Variants in E2F3 observed in about 807,000 individuals in gnomAD.
E2F3 encodes E2F transcription factor 3, also known as transcription factor E2F3.
E2F3 carries 11 observed loss-of-function variants against 44.4 expected under a neutral mutation model. That is an observed-to-expected ratio of 0.25 (90% CI 0.16 to 0.41). E2F3 has a LOEUF of 0.41. E2F3 is among the 10% of genes least tolerant of loss of function. The pLI, the probability that E2F3 is intolerant of heterozygous loss-of-function variation, is 1.00. For synonymous variants in E2F3, 249 were observed against 253.0 expected, an observed-to-expected ratio of 0.98 and a Z score of 0.15; for missense variants, 487 against 583.6, an observed-to-expected ratio of 0.83 and a Z score of 1.70.
chr6:20,418,355 T>G (rs1193698103), intron 1 of E2F3, among the ~76,000 whole-genome samples: 1 of 152,238 alleles, frequency 6.6e-6, no homozygotes, highest in Non-Finnish European at 1.5e-5. Flanking sequence ...TGCTTTTTAT[T>G]TCTTATAATA....
At position 20,488,149 on chromosome 6, in the gene E2F3, A is replaced by G; in HGVS notation, c.1036A>G (p.Ile346Val). The G allele has an allele frequency of 2.5e-6, 4 of 1,614,208 alleles. No individual in the cohort carries two copies. The highest frequency in any genetic ancestry group is 1.7e-4 in the Middle Eastern group (1 of 6,060). Reference sequence around the variant, plus strand: ...ACATTTGGCAAGTACCCAAGGGCCCATTGAGGTTTACTTATGTCCAGAAGA... The same window carrying G: ...ACATTTGGCAAGTACCCAAGGGCCCGTTGAGGTTTACTTATGTCCAGAAGA... ...QIHLASTQGPIEVYLCPEETE... is the reference protein window; with the variant it reads ...QIHLASTQGPVEVYLCPEETE... The change falls in exon 6 of 7, where the codon ATT becomes GTT. Residue 346 changes from isoleucine (I) to valine (V), a missense_variant. Physicochemically the swap from Ile to Val is conservative, Grantham distance 29. Transcript: ENST00000346618.
chr6:20,403,428 C>G (rs953446186), intron 1 of E2F3, among the ~76,000 whole-genome samples: 6 of 152,120 alleles, frequency 3.9e-5, no homozygotes, highest in Admixed American at 1.3e-4. Flanking sequence ...CTTCCCCGCC[C>G]TGTCCCCCTC....
intron 1 of E2F3, among the ~76,000 whole-genome samples, chr6:20,423,359 T>C (rs1207505207): frequency 1.3e-5 from 2 of 151,482 alleles, no homozygotes; most frequent in Non-Finnish European, 3.0e-5. Flanking sequence ...TATCCAAACA[T>C]AGCAACAGTA....
chr6:20,445,197 T>C, intron 1 of E2F3: 1 of 946,138 alleles, frequency 1.1e-6, no homozygotes, highest in African/African-American at 1.8e-5. Context: ...ATCATCTTCC[T>C]TCCCAGGATG....
intron 1 of E2F3, among the ~76,000 whole-genome samples, chr6:20,462,129 C>G (rs1045891200): frequency 6.6e-6 from 1 of 152,158 alleles, no homozygotes; most frequent in Non-Finnish European, 1.5e-5. Flanking sequence ...TTTACCTATT[C>G]TGGATAATAA....
intron 1 of E2F3, among the ~76,000 whole-genome samples, chr6:20,473,747 T>G (rs1465338540): frequency 6.6e-6 from 1 of 152,180 alleles, no homozygotes; most frequent in East Asian, 1.9e-4. Flanking sequence ...CCTACTGGCC[T>G]AATAATGCCC....
chr6:20,414,426 A>G (rs892764472), intron 1 of E2F3, among the ~76,000 whole-genome samples: 2 of 152,144 alleles, frequency 1.3e-5, no homozygotes, highest in African/African-American at 4.8e-5. Flanking sequence ...TCCTGAACCA[A>G]GATAGCTCTT....
chr6:20,490,326 G>A lies in E2F3; in HGVS notation c.1294G>A (p.Glu432Lys), dbSNP rs1440353441. The A allele has an allele frequency of 1.4e-5, 22 of 1,614,026 alleles. No homozygotes were observed. The highest frequency in any genetic ancestry group is 1.9e-5 in the Non-Finnish European group (22 of 1,180,012). The change falls in exon 7 of 7, where the codon GAG (glutamate) becomes AAG (lysine). Residue 432 changes from glutamate (E) to lysine (K), a missense_variant. Coordinates refer to ENST00000346618, the MANE Select transcript of E2F3 (RefSeq NM_001949.5). The surrounding 1 kb of genome is among the most constrained non-coding windows in gnomAD (Gnocchi z 4.3). ...FVNLLPPLLQ[E>K]DYLLSLGEEE... ...GAACTTACTGCCTCCCCTGCTGCAA[G>A]AGGACTATCTCCTGAGCCTCGGGGA... is the stretch of plus-strand genomic sequence containing the variant.
At chr6:20,481,844 T>C (rs762656969) in intron 3 of E2F3, among the ~76,000 whole-genome samples, 22 of 152,118 alleles carry the variant, frequency 1.4e-4, no homozygotes, top group Non-Finnish European at 2.5e-4. Context: ...TACGTACAAC[T>C]GCATAGTTAC....
chr6:20,419,740 T>C (rs1759964074), intron 1 of E2F3, among the ~76,000 whole-genome samples: 1 of 152,056 alleles, frequency 6.6e-6, no homozygotes, highest in South Asian at 2.1e-4. Flanking sequence ...ACTTTTTTCA[T>C]ATTTTAGTAG....
chr6:20,438,881 G>C (rs1008782080), intron 1 of E2F3, among the ~76,000 whole-genome samples: 1 of 152,074 alleles, frequency 6.6e-6, no homozygotes, highest in Admixed American at 6.5e-5. Flanking sequence ...GCAAGTTGCT[G>C]GTTTCCATTT....
chr6:20,405,262 A>G (rs1759453452), intron 1 of E2F3, among the ~76,000 whole-genome samples: 1 of 152,136 alleles, frequency 6.6e-6, no homozygotes, highest in Admixed American at 6.5e-5. Flanking sequence ...TTTTCATTAC[A>G]GGAATATAAA....
At chr6:20,473,043 T>C (rs1020649769) in intron 1 of E2F3, among the ~76,000 whole-genome samples, 4 of 152,216 alleles carry the variant, frequency 2.6e-5, no homozygotes, top group African/African-American at 9.6e-5. Context: ...TACAAGTATG[T>C]ATATAGCTAT....
intron 1 of E2F3, among the ~76,000 whole-genome samples, chr6:20,469,878 C>T (rs1385668771): frequency 6.6e-6 from 1 of 152,146 alleles, no homozygotes; most frequent in East Asian, 1.9e-4. Context: ...TCATTAGATT[C>T]TGCACTTACC....
At chr6:20,433,508 T>C (rs896431724) in intron 1 of E2F3, among the ~76,000 whole-genome samples, 7 of 152,218 alleles carry the variant, frequency 4.6e-5, no homozygotes, top group Non-Finnish European at 7.3e-5. Context: ...TGTTTGACTG[T>C]CACCCATAGA....
chr6:20,490,821 C>G lies in E2F3; in HGVS notation c.*391C>G. The G allele has an allele frequency of 4.3e-6, 1 of 233,292 alleles. No homozygotes were observed. Among genetic ancestry groups the G allele is most frequent in the Admixed American group, 5.7e-5 (1 of 17,688 alleles). The allele number at this position is 233,292 out of a possible 1,614,324, so 14.5% of individuals were successfully genotyped here. ...GGCCACCTGGCCTGCTGGGAAACAGCAATCTTCCTTAATAGCATTTCAAGC... is the reference window on the plus strand; with the variant it reads ...GGCCACCTGGCCTGCTGGGAAACAGGAATCTTCCTTAATAGCATTTCAAGC... On this transcript the variant is annotated 3_prime_UTR_variant, in exon 7 of 7. Coordinates refer to ENST00000346618, the MANE Select transcript of E2F3 (RefSeq NM_001949.5). This position sits in a 1 kb window ranked among gnomAD's most constrained non-coding sequence, Gnocchi z 4.3.
intron 1 of E2F3, among the ~76,000 whole-genome samples, chr6:20,468,515 C>T (rs1761787824): frequency 6.6e-6 from 1 of 152,212 alleles, no homozygotes. Context: ...TCCTTGTGTT[C>T]AGCTACCTGG....
chr6:20,482,350 T>G lies in E2F3; in HGVS notation c.726-412T>G, dbSNP rs191024522. 6.2e-4 allele frequency among the ~76,000 whole-genome samples: 93 copies of G among 150,060 alleles called. 1 individual carries two copies. The highest frequency in any genetic ancestry group is 1.5e-3 in the African/African-American group (62 of 41,116). On this transcript the variant is annotated intron_variant, in intron 3 of 6. Coordinates refer to ENST00000346618, the MANE Select transcript of E2F3 (RefSeq NM_001949.5). Reference sequence around the variant, plus strand: ...GGATGGGTTGTTTTTTTGTTTTTTTTTTTTTTTAATTTTGAACCATTCCAT... The same window carrying G: ...GGATGGGTTGTTTTTTTGTTTTTTTGTTTTTTTAATTTTGAACCATTCCAT...
rs764665000 is a variant in E2F3, at chr6:20,490,367, C to T, written c.1335C>T (p.Ser445=). ...LLSLGEEEGI[S]DLFDAYDLEK... is the part of the protein sequence containing the mutation. ...GCCTCGGGGAGGAGGAAGGCATCAGCGATCTCTTCGATGCTTACGATTTGG... is the reference window on the plus strand; with the variant it reads ...GCCTCGGGGAGGAGGAAGGCATCAGTGATCTCTTCGATGCTTACGATTTGG... Residue 445 remains serine, a synonymous_variant, in exon 7 of 7, where the codon AGC becomes AGT. Coordinates refer to ENST00000346618, the MANE Select transcript of E2F3 (RefSeq NM_001949.5). The surrounding 1 kb of genome is among the most constrained non-coding windows in gnomAD (Gnocchi z 4.3). The T allele has an allele frequency of 3.1e-6, 5 of 1,612,658 alleles. No homozygotes were observed. The Admixed American group carries it at 5.0e-5, about 16-fold the overall frequency.
Sources: allele counts gnomAD v4.1 joint callset (sites outside exome capture counted in the v4.1 genomes callset), GRCh38; gene constraint gnomAD v4.1.1; non-coding constraint Gnocchi (gnomAD v3.1); transcripts MANE v1.5; gene names NCBI Gene and HGNC (gene_info 2026-07-23, HGNC 2026-07-21).